Variants in CDH2 observed in about 807,000 individuals in gnomAD.
CDH2 encodes cadherin 2.
Under a neutral mutation model 92.0 loss-of-function variants are expected in CDH2, and 17 were observed. The ratio of observed to expected loss-of-function variants is 0.18; its 90% confidence interval spans 0.13 to 0.28. CDH2 has a LOEUF of 0.28. CDH2 is among the 10% of genes least tolerant of loss of function. The pLI is 1.00. For synonymous variants in CDH2, 419 were observed against 415.9 expected, an observed-to-expected ratio of 1.01 and a Z score of -0.09; for missense variants, 862 against 1,133.1, an observed-to-expected ratio of 0.76 and a Z score of 3.44.
chr18:28,038,433 GT>G (rs2013881589), intron 2 of CDH2, among the ~76,000 whole-genome samples: 1 of 136,710 alleles, frequency 7.3e-6, no homozygotes, highest in Admixed American at 7.0e-5. Context: ...GTGTGTGTGT[GT>G]GTGTGTGTGT....
chr18:28,139,409 TTC>T (rs2015917199), intron 2 of CDH2, among the ~76,000 whole-genome samples: 1 of 151,992 alleles, frequency 6.6e-6, no homozygotes, highest in Non-Finnish European at 1.5e-5. Flanking sequence ...ACCCAATTTC[TTC>T]TTTTTCTTTT....
At chr18:27,954,961 T>C (rs181853639) in intron 15 of CDH2, among the ~76,000 whole-genome samples, 1 of 152,206 alleles carries the variant, frequency 6.6e-6, no homozygotes, top group Admixed American at 6.5e-5. Context: ...TGACTTGGGG[T>C]CATACAAGTA....
At chr18:28,082,222 T>C (rs1321940372) in intron 2 of CDH2, among the ~76,000 whole-genome samples, 2 of 151,304 alleles carry the variant, frequency 1.3e-5, no homozygotes, top group Non-Finnish European at 2.9e-5. Flanking sequence ...GCCTGGGAAA[T>C]ATATGGAGAC....
chr18:28,012,467 T>C (rs547692836), intron 3 of CDH2, among the ~76,000 whole-genome samples: 16 of 152,332 alleles, frequency 1.1e-4, no homozygotes, highest in Non-Finnish European at 1.8e-4. Context: ...TCCCACAGAA[T>C]TAATGCTGTA....
chr18:28,102,245 T>C (rs1331368594), intron 2 of CDH2, among the ~76,000 whole-genome samples: 1 of 152,116 alleles, frequency 6.6e-6, no homozygotes, highest in Non-Finnish European at 1.5e-5. Flanking sequence ...AAAATCTTAT[T>C]TTTTTTCATT....
intron 2 of CDH2, among the ~76,000 whole-genome samples, chr18:28,035,562 T>C (rs559461088): frequency 7.3e-4 from 111 of 152,188 alleles, no homozygotes; most frequent in Non-Finnish European, 1.4e-3. Flanking sequence ...ACTTTATTTT[T>C]AGGAAAATTT....
intron 2 of CDH2, among the ~76,000 whole-genome samples, chr18:28,060,517 T>C (rs2014382178): frequency 6.6e-6 from 1 of 152,116 alleles, no homozygotes; most frequent in Non-Finnish European, 1.5e-5. Context: ...CAGTATTTCT[T>C]TACAGAAGAA....
At chr18:27,988,477 G>A in intron 11 of CDH2, 47 bp downstream of exon 11, 1 of 1,543,168 alleles carries the variant, frequency 6.5e-7, no homozygotes, top group South Asian at 1.2e-5. Context: ...TGCATGATGA[G>A]GATCTACTGT....
At chr18:28,088,713 G>C (rs1025316263) in intron 2 of CDH2, among the ~76,000 whole-genome samples, 1 of 152,122 alleles carries the variant, frequency 6.6e-6, no homozygotes, top group African/African-American at 2.4e-5. Context: ...GGGTTCCTAA[G>C]GGGGCGGGCA....
At chr18:27,984,423 T>A (rs2012158461) in intron 13 of CDH2, among the ~76,000 whole-genome samples, 2 of 151,074 alleles carry the variant, frequency 1.3e-5, no homozygotes, top group African/African-American at 4.9e-5. Context: ...AAGAAGCAAT[T>A]CCTTAATCTA....
intron 2 of CDH2, among the ~76,000 whole-genome samples, chr18:28,132,628 C>T (rs1568010859): frequency 1.3e-5 from 2 of 152,136 alleles, no homozygotes; most frequent in Non-Finnish European, 2.9e-5. Context: ...ATCCCTAGAA[C>T]CAGAGGTGGA....
At chr18:27,968,077 T>G (rs1363342616) in intron 14 of CDH2, among the ~76,000 whole-genome samples, 1 of 152,212 alleles carries the variant, frequency 6.6e-6, no homozygotes, top group Non-Finnish European at 1.5e-5. Context: ...AGATGCCATT[T>G]TCAGGTCAGA....
At chr18:27,944,320 T>A (rs999873142) in intron 6 of CDH2, among the ~76,000 whole-genome samples, 18 of 152,280 alleles carry the variant, frequency 1.2e-4, no homozygotes, top group African/African-American at 4.3e-4. Context: ...TATTCAATGT[T>A]CCTTAGTTGC....
At chr18:28,050,798 T>G (rs561141320) in intron 2 of CDH2, among the ~76,000 whole-genome samples, 1 of 152,300 alleles carries the variant, frequency 6.6e-6, no homozygotes, top group South Asian at 2.1e-4. Flanking sequence ...GAAAGCTCTC[T>G]TCTTGCACAG....
chr18:28,105,839 C>T (rs772748399), intron 2 of CDH2, among the ~76,000 whole-genome samples: 1 of 152,146 alleles, frequency 6.6e-6, no homozygotes, highest in Non-Finnish European at 1.5e-5. Context: ...GAAATTAAAG[C>T]TTCACATTAA....
At chr18:28,017,228 A>C (rs915752895) in intron 2 of CDH2, among the ~76,000 whole-genome samples, 2 of 151,986 alleles carry the variant, frequency 1.3e-5, no homozygotes, top group African/African-American at 4.8e-5. Context: ...TTCAACTGTG[A>C]ATCTGTCTGG....
chr18:28,108,005 CCT>C (rs1568001262), intron 2 of CDH2, among the ~76,000 whole-genome samples: 1 of 152,166 alleles, frequency 6.6e-6, no homozygotes, highest in Non-Finnish European at 1.5e-5. Flanking sequence ...CAAATCTTCC[CCT>C]CTGTTACAAA....
At chr18:27,964,588 C>T (rs1181486684) in intron 14 of CDH2, among the ~76,000 whole-genome samples, 1 of 152,120 alleles carries the variant, frequency 6.6e-6, no homozygotes, top group African/African-American at 2.4e-5. Context: ...AAACCTTTTG[C>T]AGTTATCTCT....
intron 1 of CDH2, 29 bp downstream of exon 1, chr18:28,176,934 T>C: frequency 1.7e-6 from 2 of 1,177,066 alleles, no homozygotes; most frequent in Admixed American, 4.1e-5. Flanking sequence ...ACCCCGCCCG[T>C]GGCCCGGCCC....
Sources: gnomAD v4.1 joint callset for allele counts (sites outside exome capture counted in the v4.1 genomes callset) on GRCh38, gnomAD v4.1.1 for gene constraint, MANE v1.5 for transcripts, NCBI Gene and HGNC (gene_info 2026-07-23, HGNC 2026-07-21) for gene names.